Variants in NUP62 observed in about 807,000 individuals in gnomAD.
The protein encoded by NUP62 is nuclear pore glycoprotein p62.
For synonymous variants in NUP62, 305 were observed against 303.4 expected, an observed-to-expected ratio of 1.01 and a Z score of -0.05; for missense variants, 647 against 689.4, an observed-to-expected ratio of 0.94 and a Z score of 0.69.
In NUP62 at chr19:49,909,537, C is replaced by G. The variant is rs765595786; in HGVS notation, c.271G>C (p.Gly91Arg). 1 of 1,614,128 alleles carries G rather than the reference C, an allele frequency of 6.2e-7. No homozygotes were observed. Among genetic ancestry groups the G allele is most frequent in the Non-Finnish European group, 8.5e-7 (1 of 1,180,020 alleles). ...AAGTTGAGCTTTGAAGCACCGATCC[C>G]CAAAGAAAATCCAGTTCCCCCCGAA... ...LASGGTGFSL[G>R]IGASKLNLSN... The change falls in exon 3 of 3, where the codon GGG becomes CGG. Residue 91 changes from glycine to arginine, a missense_variant. Transcript: ENST00000352066.
At chr19:49,918,602 A>G (rs758868854) in intron 2 of NUP62, 2 of 152,248 alleles carry the variant, frequency 1.3e-5, no homozygotes, top group African/African-American at 2.4e-5. Context: ...CTACAGGCAT[A>G]ACCGACTTGC....
Position 49,907,423 on chromosome 19 carries a change from T to C in NUP62, c.*816A>G, listed in dbSNP as rs751060095. 2 of 396,738 alleles carry C rather than the reference T, an allele frequency of 5.0e-6. No individual in the cohort carries two copies. The highest frequency in any genetic ancestry group is 9.7e-6 in the Non-Finnish European group (2 of 207,026). 24.6% of individuals were successfully genotyped at this position (396,738 alleles called of 1,614,324 possible). A position where few individuals can be genotyped will look rare whatever the true frequency, so the allele number is the denominator to read the frequency against. On this transcript the variant is annotated 3_prime_UTR_variant, in exon 3 of 3. Transcript: ENST00000352066. ...GCTGACCTGTCTTCTGTGAAATTCT[T>C]GATCCCGCTCTGTTCTATTCACACT...
At chr19:49,927,020 C>T (rs1019369979) in intron 2 of NUP62, among the ~76,000 whole-genome samples, 4 of 151,956 alleles carry the variant, frequency 2.6e-5, no homozygotes, top group East Asian at 3.9e-4. Flanking sequence ...CCACCACACC[C>T]GACTATTTTT....
rs377596486 is a variant in NUP62, at chr19:49,908,717, G to A, written c.1091C>T (p.Thr364Met). ...GATCTTTTCTCCATTCTCGATCAGC[G>A]TGCGGTCCCAGGCGTTGACCTGGGT... ...QATQVNAWDR[T>M]LIENGEKITS... is the part of the protein sequence containing the mutation. Residue 364 changes from threonine (T) to methionine (M), a missense_variant, in exon 3 of 3, where the codon ACG becomes ATG. Thr to Met is a moderately conservative substitution (Grantham distance 81, BLOSUM62 -1). Coordinates refer to ENST00000352066, the MANE Select transcript of NUP62 (RefSeq NM_016553.5). 20 of 1,612,780 alleles carry A rather than the reference G, an allele frequency of 1.2e-5. No individual in the cohort carries two copies. The highest frequency in any genetic ancestry group is 3.3e-5 in the Admixed American group (2 of 60,002).
In NUP62 at chr19:49,909,491, G is replaced by A. The variant is rs1377400275; in HGVS notation, c.317C>T (p.Pro106Leu). Residue 106 changes from proline to leucine, a missense_variant, in exon 3 of 3, where the codon CCA (proline) becomes CTA (leucine). Pro to Leu is a moderately conservative substitution (Grantham distance 98). Transcript: ENST00000352066. Reference protein sequence around the residue: ...KLNLSNTAATPAMANPSGFGL... With the variant: ...KLNLSNTAATLAMANPSGFGL... The stretch of plus-strand genomic sequence containing the variant: ...AAAGCCGCTGGGGTTTGCCATGGCT[G>A]GGGTGGCAGCTGTGTTGCTCAAGTT... 1.9e-6 allele frequency: 3 copies of A among 1,614,174 alleles called. No homozygotes were observed. The highest frequency in any genetic ancestry group is 1.7e-5 in the Admixed American group (1 of 60,012).
At chr19:49,924,182 G>A (rs2075829490) in intron 2 of NUP62, among the ~76,000 whole-genome samples, 1 of 152,200 alleles carries the variant, frequency 6.6e-6, no homozygotes, top group Non-Finnish European at 1.5e-5. Context: ...CAGCATGGTG[G>A]AGGCTGAGGT....
intron 2 of NUP62, chr19:49,917,846 C>CATGGTGA (rs2075663622): frequency 6.6e-6 from 1 of 152,210 alleles, no homozygotes; most frequent in African/African-American, 2.4e-5. Flanking sequence ...AGCTGACCAA[C>CATGGTGA]ATGGTGAAAC....
At chr19:49,915,694 G>A (rs1434865542) in intron 2 of NUP62, among the ~76,000 whole-genome samples, 2 of 152,236 alleles carry the variant, frequency 1.3e-5, no homozygotes, top group African/African-American at 2.4e-5. Flanking sequence ...GAAAGGGGCT[G>A]GGGTCAGGGG....
chr19:49,908,948 G>GTGC lies in NUP62; in HGVS notation c.857_859dup (p.Ser286dup), dbSNP rs4031026. The GTGC allele has an allele frequency of 1.6e-3, 2,596 of 1,607,052 alleles. 29 individuals are homozygous for GTGC. In the African/African-American group the frequency reaches 0.026, roughly 16 times the overall value. Reference sequence around the variant, plus strand: ...TTTTAAATTCAAGGCAAAGCCGGTGGTGCTGCTGCTGCTGGTGGTGGTGGC... The same window carrying GTGC: ...TTTTAAATTCAAGGCAAAGCCGGTGGTGCTGCTGCTGCTGCTGGTGGTGGTGGC... On this transcript the variant is annotated inframe_insertion, in exon 3 of 3. Coordinates refer to ENST00000352066, the MANE Select transcript of NUP62 (RefSeq NM_016553.5).
rs1228920145 is a variant in NUP62 at position 49,908,253 on chromosome 19, T to C, written c.1555A>G (p.Ile519Val). The change falls in exon 3 of 3, where the codon ATC (isoleucine) becomes GTC (valine). Residue 519 changes from isoleucine to valine, a missense_variant. Transcript: ENST00000352066. ...RRKEQERSFR[I>V]TFD The stretch of plus-strand genomic sequence containing the variant: ...GCTGCTGTCGCTCAGTCAAAGGTGA[T>C]CCGGAAGCTGCGCTCCTGCTCCTTG... 3.1e-6 allele frequency: 5 copies of C among 1,613,392 alleles called. No individual in the cohort carries two copies. In the East Asian group the frequency reaches 8.9e-5, roughly 29 times the overall value.
At position 49,908,563 on chromosome 19, in the gene NUP62, C is replaced by T. The variant is rs1038745473; in HGVS notation, c.1245G>A (p.Lys415=). ...DLLSPLEELV[K]EQSGTIYLQH... is the part of the protein sequence containing the mutation. ...GCAGGTAGATGGTCCCGCTCTGCTC[C>T]TTGACCAACTCCTCCAGTGGGCTCA... Residue 415 remains lysine, a synonymous_variant, in exon 3 of 3, where the codon AAG becomes AAA. Transcript: ENST00000352066. The T allele has an allele frequency of 5.0e-6, 8 of 1,614,106 alleles. 1 individual carries two copies. In the Admixed American group the frequency reaches 1.0e-4, roughly 20 times the overall value.
In NUP62 at chr19:49,908,623, G is replaced by A; in HGVS notation, c.1185C>T (p.Phe395=). The stretch of plus-strand genomic sequence containing the variant: ...CCAGCTCCTTCTGCTGGGACAGGAT[G>A]AAGTCGAGCTCCTGGTCCAGCCTCT... ...DQKRLDQELD[F]ILSQQKELED... The change falls in exon 3 of 3, where the codon TTC becomes TTT. Residue 395 remains phenylalanine (F), a synonymous_variant. Coordinates refer to ENST00000352066, the MANE Select transcript of NUP62 (RefSeq NM_016553.5). 4 of 1,613,596 alleles carry A rather than the reference G, an allele frequency of 2.5e-6. No individual in the cohort carries two copies.
chr19:49,907,355 C>T lies in NUP62; in HGVS notation c.*884G>A, dbSNP rs1402669534. 3.2e-6 allele frequency: 1 copy of T among 315,718 alleles called. No individual in the cohort carries two copies. Among genetic ancestry groups the T allele is most frequent in the African/African-American group, 2.3e-5 (1 of 43,264 alleles). The allele number at this position is 315,718 out of a possible 1,614,324, so 19.6% of individuals were successfully genotyped here. ...CAGGCAAAAGGCAGGCCTCTCGGCG[C>T]CCATCTGTGGTTCCTCAACACCCTG... On this transcript the variant is annotated 3_prime_UTR_variant, in exon 3 of 3. Transcript: ENST00000352066.
Position 49,908,971 on chromosome 19 carries a change from G to C in NUP62, c.837C>G (p.Ala279=). Residue 279 remains alanine, a synonymous_variant, in exon 3 of 3, where the codon GCC becomes GCG. Transcript: ENST00000352066. ...TGGTGCTGCTGCTGCTGGTGGTGGT[G>C]GCGGTGGCGGTGGCAGCGGTGGATG... ...TTTSTAATAT[A]TTTSSSSTTG... 6.2e-7 allele frequency: 1 copy of C among 1,608,388 alleles called. No homozygotes were observed. The highest frequency in any genetic ancestry group is 1.1e-5 in the South Asian group (1 of 90,940).
Position 49,909,175 on chromosome 19 carries a change from T to C in NUP62, c.633A>G (p.Thr211=). 6.2e-7 allele frequency: 1 copy of C among 1,613,474 alleles called. No homozygotes were observed. The highest frequency in any genetic ancestry group is 8.5e-7 in the Non-Finnish European group (1 of 1,179,698). ...GATQPAAPTP[T]ATITSTGPSL... ...TGGGCCCAGTGCTGGTGATGGTGGC[T>C]GTGGGTGTGGGAGCAGCTGGCTGTG... The change falls in exon 3 of 3, where the codon ACA becomes ACG. Residue 211 remains threonine, a synonymous_variant. Transcript: ENST00000352066.
In NUP62 at chr19:49,921,765, C is replaced by T. The variant is rs1156713025; in HGVS notation, c.-78+5929G>A. On this transcript the variant is annotated intron_variant, in intron 2 of 2. Coordinates refer to ENST00000352066, the MANE Select transcript of NUP62 (RefSeq NM_016553.5). This position sits in a 1 kb window ranked among gnomAD's most constrained non-coding sequence, Gnocchi z 5.4. The stretch of plus-strand genomic sequence containing the variant: ...CCGCCTCTGCCTCTCCCCGCAGCTC[C>T]GACCATGACCATCCATCCTATGAGT... Among the ~76,000 whole-genome samples the T allele has an allele frequency of 6.6e-6, 1 of 152,180 alleles. No homozygotes were observed. Among genetic ancestry groups the T allele is most frequent in the African/African-American group, 2.4e-5 (1 of 41,446 alleles).
chr19:49,919,429 G>A (rs1245569096), intron 2 of NUP62, among the ~76,000 whole-genome samples: 1 of 152,206 alleles, frequency 6.6e-6, no homozygotes, highest in Non-Finnish European at 1.5e-5. Context: ...ATCGTTTTAA[G>A]CAGGCTTATT....
At chr19:49,911,999 C>T (rs961859490) in intron 2 of NUP62, among the ~76,000 whole-genome samples, 7 of 152,210 alleles carry the variant, frequency 4.6e-5, no homozygotes, top group Admixed American at 3.9e-4. Context: ...TGAGCAGCTA[C>T]ACCTACACAT....
In NUP62 at chr19:49,922,932, TAG is replaced by T. The variant is rs1348323056; in HGVS notation, c.-78+4760_-78+4761del. On this transcript the variant is annotated intron_variant, in intron 2 of 2. Transcript: ENST00000352066. ...CCTGCCCCTCCACACTGCCCCAAGGTAGTTCTATGATTGTGCCCATTTTACTG... is the reference window on the plus strand; with the variant it reads ...CCTGCCCCTCCACACTGCCCCAAGGTTTCTATGATTGTGCCCATTTTACTG... Among the ~76,000 whole-genome samples, 6 of 151,956 alleles carry T rather than the reference TAG, an allele frequency of 3.9e-5. No individual in the cohort carries two copies. The East Asian group carries it at 7.7e-4, about 20-fold the overall frequency.
Sources: gnomAD v4.1 joint callset for allele counts (sites outside exome capture counted in the v4.1 genomes callset) on GRCh38, gnomAD v4.1.1 for gene constraint, Gnocchi (gnomAD v3.1) non-coding constraint, MANE v1.5 for transcripts, NCBI Gene and HGNC (gene_info 2026-07-23, HGNC 2026-07-21) for gene names.